Variants in PYGO1 observed in about 807,000 individuals in gnomAD.
The protein encoded by PYGO1 is pygopus family PHD finger 1.
Under a neutral mutation model 29.5 loss-of-function variants are expected in PYGO1, and 6 were observed. The observed-to-expected ratio is 0.20, with a 90% CI of 0.11 to 0.40. The LOEUF (loss-of-function observed/expected upper bound fraction) is 0.40. PYGO1 is among the 10% of genes least tolerant of loss of function. PYGO1 has a pLI of 1.00. For synonymous variants in PYGO1, 186 were observed against 180.5 expected (o/e 1.03, Z -0.24); for missense variants, 515 against 514.9 (o/e 1.00, Z 0.00).
intron 1 of PYGO1, among the ~76,000 whole-genome samples, chr15:55,585,045 T>C (rs2059040838): frequency 6.6e-6 from 1 of 152,222 alleles, no homozygotes; most frequent in Non-Finnish European, 1.5e-5. Context: ...GCATCACAAG[T>C]GATTATGATG....
intron 1 of PYGO1, among the ~76,000 whole-genome samples, chr15:55,564,587 T>G (rs1311713926): frequency 1.2e-5 from 1 of 82,270 alleles, no homozygotes; most frequent in Non-Finnish European, 3.2e-5. Context: ...CTGGTGGCCA[T>G]GCCTGTCCCA....
At chr15:55,552,867 G>C (rs1300293527) in intron 1 of PYGO1, among the ~76,000 whole-genome samples, 1 of 152,186 alleles carries the variant, frequency 6.6e-6, no homozygotes, top group African/African-American at 2.4e-5. Context: ...TAGGAAGGGT[G>C]CTGAATTCAG....
intron 1 of PYGO1, among the ~76,000 whole-genome samples, chr15:55,559,990 C>T (rs1393533916): frequency 3.9e-5 from 6 of 152,036 alleles, no homozygotes; most frequent in African/African-American, 1.4e-4. Flanking sequence ...ACACCCTTCG[C>T]GTTGAAAACT....
rs758212006 is a variant in PYGO1 at position 55,546,619 on chromosome 15, A to C, written c.664T>G (p.Phe222Val). The change falls in exon 3 of 3, where the codon TTT becomes GTT. Residue 222 changes from phenylalanine (F) to valine (V), a missense_variant. Physicochemically the swap from Phe to Val is conservative, Grantham distance 50. Transcript: ENST00000563719. ...CCAAAAGTGTTTGGGGGAGGAATAA[A>C]AGAATGATTAGATTCTAACGGAGAA... ...FTSPLESNHS[F>V]IPPPNTFGQA... is the part of the protein sequence containing the mutation. The C allele has an allele frequency of 3.1e-6, 5 of 1,614,024 alleles. No homozygotes were observed. The South Asian group carries it at 5.5e-5, about 18-fold the overall frequency.
intron 1 of PYGO1, among the ~76,000 whole-genome samples, chr15:55,550,086 C>T (rs1469003735): frequency 6.6e-6 from 1 of 152,178 alleles, no homozygotes; most frequent in Non-Finnish European, 1.5e-5. Flanking sequence ...CATACCCAAT[C>T]CAATTATCTC....
intron 1 of PYGO1, among the ~76,000 whole-genome samples, chr15:55,550,108 ATGGTT>A (rs1371165860): frequency 3.3e-5 from 5 of 152,228 alleles, no homozygotes; most frequent in South Asian, 2.1e-4. Context: ...TAATATCTGT[ATGGTT>A]TGTTTAGATT....
intron 1 of PYGO1, among the ~76,000 whole-genome samples, chr15:55,555,963 A>C (rs887063937): frequency 3.3e-5 from 5 of 152,184 alleles, no homozygotes; most frequent in Admixed American, 6.5e-5. Context: ...TAACTATCCT[A>C]AATATATTTG....
At chr15:55,560,138 C>A (rs2058926701) in intron 1 of PYGO1, among the ~76,000 whole-genome samples, 1 of 152,120 alleles carries the variant, frequency 6.6e-6, no homozygotes, top group African/African-American at 2.4e-5. Flanking sequence ...CAAGGATGCT[C>A]TCTCTCACCA....
rs2058950722 is a variant in PYGO1 at position 55,565,357 on chromosome 15, A to G, written c.50-16362T>C. ...AATGGTCATATTTTCATCTGTTTTCATTTATCTCACCATGTATAAACTTTC... is the reference window on the plus strand; with the variant it reads ...AATGGTCATATTTTCATCTGTTTTCGTTTATCTCACCATGTATAAACTTTC... On this transcript the variant is annotated intron_variant, in intron 1 of 2. Coordinates refer to ENST00000563719, the MANE Select transcript of PYGO1 (RefSeq NM_001367806.1). Among the ~76,000 whole-genome samples the G allele has an allele frequency of 3.9e-5, 6 of 152,032 alleles. No homozygotes were observed. The South Asian group carries it at 1.2e-3, about 32-fold the overall frequency.
Position 55,588,036 on chromosome 15 carries a change from C to G in PYGO1, c.-153G>C. 1 of 1,227,668 alleles carries G rather than the reference C, an allele frequency of 8.1e-7. No homozygotes were observed. The highest frequency in any genetic ancestry group is 1.0e-6 in the Non-Finnish European group (1 of 980,750). The allele number at this position is 1,227,668 out of a possible 1,614,324, so 76.0% of individuals were successfully genotyped here. A position where few individuals can be genotyped will look rare whatever the true frequency, so the allele number is the denominator to read the frequency against. On this transcript the variant is annotated 5_prime_UTR_variant, in exon 1 of 3. Transcript: ENST00000563719. The stretch of plus-strand genomic sequence containing the variant: ...CGAGGGCGGTGGGGACGCGGGCCGA[C>G]TTTGCAAAGTTTGGGAGGAGGACGA...
chr15:55,576,011 ATC>A (rs2059000082), intron 1 of PYGO1, among the ~76,000 whole-genome samples: 1 of 152,106 alleles, frequency 6.6e-6, no homozygotes, highest in South Asian at 2.1e-4. Context: ...TGCTACTTAA[ATC>A]TCTGTTAGCA....
At position 55,546,271 on chromosome 15, in the gene PYGO1, C is replaced by A. The variant is rs1052905917; in HGVS notation, c.1012G>T (p.Asp338Tyr). The A allele has an allele frequency of 1.2e-6, 2 of 1,614,068 alleles. No homozygotes were observed. The highest frequency in any genetic ancestry group is 1.7e-6 in the Non-Finnish European group (2 of 1,180,044). Residue 338 changes from aspartate (D) to tyrosine (Y), a missense_variant, in exon 3 of 3, where the codon GAC becomes TAC. Transcript: ENST00000563719. ...CAAATTCCACAAGGATACACTGGGT[C>A]AGAAGACGAATGGCCATGACGGTTT... ...HPNRHGHSSS[D>Y]PVYPCGICTN... is the part of the protein sequence containing the mutation.
chr15:55,581,544 A>G (rs1024509869), intron 1 of PYGO1, among the ~76,000 whole-genome samples: 1 of 152,212 alleles, frequency 6.6e-6, no homozygotes, highest in Non-Finnish European at 1.5e-5. Flanking sequence ...AATGCAGCAT[A>G]GTAGCTAAGA....
At chr15:55,558,102 T>G (rs947646266) in intron 1 of PYGO1, among the ~76,000 whole-genome samples, 18 of 152,188 alleles carry the variant, frequency 1.2e-4, no homozygotes, top group Non-Finnish European at 2.9e-5. Flanking sequence ...GAACACCCCA[T>G]TAGCCTCAGC....
rs2059055372 is a variant in PYGO1 at position 55,587,818 on chromosome 15, G to T, written c.49+17C>A. On this transcript the variant is annotated intron_variant, in intron 1 of 2. Coordinates refer to ENST00000563719, the MANE Select transcript of PYGO1 (RefSeq NM_001367806.1). ...CACTCACCCCGGTTCCCCCAATCCG[G>T]CACCCTTCTCGGTTACCTCGAACTC... is the stretch of plus-strand genomic sequence containing the variant. 6.7e-7 allele frequency: 1 copy of T among 1,484,982 alleles called. No homozygotes were observed. Among genetic ancestry groups the T allele is most frequent in the Non-Finnish European group, 8.9e-7 (1 of 1,119,534 alleles). 92.0% of individuals were successfully genotyped at this position (1,484,982 alleles called of 1,614,324 possible).
chr15:55,586,116 T>C (rs565457184), intron 1 of PYGO1, among the ~76,000 whole-genome samples: 17 of 152,326 alleles, frequency 1.1e-4, no homozygotes, highest in African/African-American at 3.6e-4. Flanking sequence ...TCTAGTCACA[T>C]TGAACAAAAA....
intron 1 of PYGO1, among the ~76,000 whole-genome samples, chr15:55,549,293 T>G (rs1334407116): frequency 4.6e-5 from 7 of 152,182 alleles, no homozygotes; most frequent in Non-Finnish European, 1.0e-4. Context: ...ATTACTAGTT[T>G]CTGGCCTACC....
At position 55,558,092 on chromosome 15, in the gene PYGO1, G is replaced by C. The variant is rs143105066; in HGVS notation, c.50-9097C>G. The stretch of plus-strand genomic sequence containing the variant: ...TGCAGATGACATGATTGTATAGTTA[G>C]AACACCCCATTAGCCTCAGCCCAAA... On this transcript the variant is annotated intron_variant, in intron 1 of 2. Transcript: ENST00000563719. Among the ~76,000 whole-genome samples the C allele has an allele frequency of 3.3e-5, 5 of 152,314 alleles. No homozygotes were observed. In the East Asian group the frequency reaches 9.6e-4, roughly 29 times the overall value.
At chr15:55,549,353 G>C (rs575658796) in intron 1 of PYGO1, among the ~76,000 whole-genome samples, 2 of 151,812 alleles carry the variant, frequency 1.3e-5, no homozygotes, top group Non-Finnish European at 2.9e-5. Flanking sequence ...TTATTTTTTT[G>C]GCGGGGAGGA....
Sources: gnomAD v4.1 joint callset for allele counts (sites outside exome capture counted in the v4.1 genomes callset) on GRCh38, gnomAD v4.1.1 for gene constraint, MANE v1.5 for transcripts, NCBI Gene and HGNC (gene_info 2026-07-23, HGNC 2026-07-21) for gene names.